PLCB1: variants seen among roughly 807,000 people sequenced by gnomAD.
The protein encoded by PLCB1 is 1-phosphatidylinositol 4,5-bisphosphate phosphodiesterase beta-1.
Under a neutral mutation model 161.8 loss-of-function variants are expected in PLCB1, and 46 were observed. The observed-to-expected ratio is 0.28, with a 90% CI of 0.22 to 0.36. The LOEUF is 0.36. Among genes scored for constraint, PLCB1 ranks in the 10% least tolerant of loss-of-function variants. The pLI, the probability that PLCB1 is intolerant of heterozygous loss-of-function variation, is 1.00. For missense variants in PLCB1, 1,016 were observed against 1,472.5 expected, an observed-to-expected ratio of 0.69 and a Z score of 5.07; for synonymous variants, 517 against 503.7, an observed-to-expected ratio of 1.03 and a Z score of -0.35.
At chr20:8,607,597 C>T (rs1012530602) in intron 3 of PLCB1, among the ~76,000 whole-genome samples, 1 of 152,094 alleles carries the variant, frequency 6.6e-6, no homozygotes. Context: ...TGGTGTAGCC[C>T]CTTTTTCTTT....
intron 3 of PLCB1, among the ~76,000 whole-genome samples, chr20:8,433,108 A>G (rs977084453): frequency 6.6e-6 from 1 of 152,220 alleles, no homozygotes; most frequent in African/African-American, 2.4e-5. Context: ...AATTAGCTTT[A>G]GGGAGGACAG....
At chr20:8,238,876 A>G (rs1450973726) in intron 2 of PLCB1, among the ~76,000 whole-genome samples, 5 of 151,516 alleles carry the variant, frequency 3.3e-5, no homozygotes, top group Non-Finnish European at 7.4e-5. Flanking sequence ...TGGGGGGAAG[A>G]CATCAGACCC....
At chr20:8,818,961 G>A (rs967362880) in intron 31 of PLCB1, among the ~76,000 whole-genome samples, 7 of 147,088 alleles carry the variant, frequency 4.8e-5, no homozygotes, top group East Asian at 2.0e-4. Context: ...AAAAAAAAAA[G>A]TTCTCCCAAA....
At chr20:8,299,317 T>A (rs759671706) in intron 2 of PLCB1, among the ~76,000 whole-genome samples, 89 of 152,272 alleles carry the variant, frequency 5.8e-4, no homozygotes, top group Non-Finnish European at 1.2e-3. Context: ...GAGTACTTTC[T>A]TTCTTTGTGT....
intron 9 of PLCB1, among the ~76,000 whole-genome samples, chr20:8,659,575 G>T (rs1431722573): frequency 1.3e-5 from 2 of 152,104 alleles, no homozygotes; most frequent in Non-Finnish European, 2.9e-5. Flanking sequence ...TAAAGTAACA[G>T]AAATAGCTCT....
chr20:8,738,220 T>G (rs1980683769), intron 20 of PLCB1, among the ~76,000 whole-genome samples: 1 of 152,226 alleles, frequency 6.6e-6, no homozygotes, highest in Non-Finnish European at 1.5e-5. Context: ...TTTTTTTGCT[T>G]TCACTTTGAA....
rs116114316 is a variant in PLCB1 at position 8,151,517 on chromosome 20, C to T, written c.177+1146C>T. Among the ~76,000 whole-genome samples, 409 of 152,244 alleles carry T rather than the reference C, an allele frequency of 2.7e-3. 1 individual carries two copies. The highest frequency in any genetic ancestry group is 8.9e-3 in the African/African-American group (370 of 41,556). On this transcript the variant is annotated intron_variant, in intron 2 of 31. Coordinates refer to ENST00000338037, the MANE Select transcript of PLCB1 (RefSeq NM_015192.4). ...GTGTGGCTGTAGAAGTGGAGGTAAACCACAGACCCTACGCTAATGTCAAAA... is the reference window on the plus strand; with the variant it reads ...GTGTGGCTGTAGAAGTGGAGGTAAATCACAGACCCTACGCTAATGTCAAAA...
intron 26 of PLCB1, among the ~76,000 whole-genome samples, chr20:8,766,881 CAGG>C (rs1429648015): frequency 6.6e-6 from 1 of 151,982 alleles, no homozygotes; most frequent in East Asian, 1.9e-4. Flanking sequence ...AGAGTGAAAG[CAGG>C]AGACCAGTTA....
At chr20:8,382,397 C>T (rs1324225711) in intron 3 of PLCB1, among the ~76,000 whole-genome samples, 1 of 151,646 alleles carries the variant, frequency 6.6e-6, no homozygotes, top group Non-Finnish European at 1.5e-5. Context: ...ATTCTCCTCC[C>T]TCAGCCTCCT....
intron 2 of PLCB1, among the ~76,000 whole-genome samples, chr20:8,238,407 C>T (rs182948326): frequency 1.2e-3 from 177 of 152,062 alleles, no homozygotes; most frequent in Non-Finnish European, 2.1e-3. Context: ...TGCACAGTTC[C>T]AAACCCAGGG....
In PLCB1 at chr20:8,796,462, C is replaced by T. The variant is rs527336493; in HGVS notation, c.3423+6201C>T. Among the ~76,000 whole-genome samples, 5 of 152,112 alleles carry T rather than the reference C, an allele frequency of 3.3e-5. No individual in the cohort carries two copies. In the South Asian group the frequency reaches 8.3e-4, roughly 25 times the overall value. On this transcript the variant is annotated intron_variant, in intron 31 of 31. Coordinates refer to ENST00000338037, the MANE Select transcript of PLCB1 (RefSeq NM_015192.4). ...CATTTGTGCCTCCTCTAATCTTTTG[C>T]GGCTTGATGGGGAAATGGATTCTTC...
At chr20:8,238,960 G>A (rs1033935784) in intron 2 of PLCB1, among the ~76,000 whole-genome samples, 4 of 151,864 alleles carry the variant, frequency 2.6e-5, no homozygotes, top group African/African-American at 9.7e-5. Context: ...TTGGTCGAAA[G>A]ACTTTTATTT....
intron 3 of PLCB1, among the ~76,000 whole-genome samples, chr20:8,388,224 G>A (rs1249172235): frequency 4.0e-5 from 6 of 151,688 alleles, no homozygotes; most frequent in African/African-American, 1.2e-4. Context: ...TATCATGACC[G>A]TTTCCTGCTA....
chr20:8,288,880 T>C (rs1465697024), intron 2 of PLCB1, among the ~76,000 whole-genome samples: 1 of 152,222 alleles, frequency 6.6e-6, no homozygotes, highest in East Asian at 1.9e-4. Context: ...TATATTTATA[T>C]ATTTACTGCT....
intron 3 of PLCB1, among the ~76,000 whole-genome samples, chr20:8,503,375 C>A (rs1216621643): frequency 1.3e-5 from 2 of 152,096 alleles, no homozygotes; most frequent in Admixed American, 6.6e-5. Context: ...GGTAAGACAC[C>A]TCTGTCTTCC....
chr20:8,279,545 TTG>T (rs1332302627), intron 2 of PLCB1, among the ~76,000 whole-genome samples: 5 of 152,206 alleles, frequency 3.3e-5, no homozygotes, highest in Non-Finnish European at 5.9e-5. Flanking sequence ...TTACACAACA[TTG>T]TGAGTCTACT....
intron 2 of PLCB1, among the ~76,000 whole-genome samples, chr20:8,229,548 C>A (rs1283944679): frequency 6.6e-6 from 1 of 152,136 alleles, no homozygotes; most frequent in East Asian, 1.9e-4. Flanking sequence ...ATTGCATTAG[C>A]CACATTTCAG....
At chr20:8,560,823 T>G (rs1395766201) in intron 3 of PLCB1, among the ~76,000 whole-genome samples, 2 of 151,996 alleles carry the variant, frequency 1.3e-5, no homozygotes, top group Admixed American at 1.3e-4. Flanking sequence ...TATGTGTAAT[T>G]TGAGATTCTG....
At chr20:8,178,576 G>T (rs1334611079) in intron 2 of PLCB1, among the ~76,000 whole-genome samples, 1 of 152,222 alleles carries the variant, frequency 6.6e-6, no homozygotes, top group Non-Finnish European at 1.5e-5. Context: ...CTCATATTCT[G>T]CAGGCTGTCT....
Sources: allele counts gnomAD v4.1 joint callset (sites outside exome capture counted in the v4.1 genomes callset), GRCh38; gene constraint gnomAD v4.1.1; transcripts MANE v1.5; gene names NCBI Gene and HGNC (gene_info 2026-07-23, HGNC 2026-07-21).